The following ZNF592 variants were observed in gnomAD, a reference collection of about 807,000 sequenced individuals.
ZNF592 encodes zinc finger protein 592.
ZNF592 carries 11 observed loss-of-function variants against 80.3 expected under a neutral mutation model. The ratio of observed to expected loss-of-function variants is 0.14; its 90% CI spans 0.09 to 0.23. ZNF592 has a LOEUF of 0.23. Among genes scored for constraint, ZNF592 ranks in the 10% least tolerant of loss-of-function variants. ZNF592 has a pLI of 1.00. For synonymous variants in ZNF592, 646 were observed against 640.3 expected (o/e 1.01, Z -0.13); for missense variants, 1,420 against 1,633.9 (o/e 0.87, Z 2.26).
chr15:84,782,476 C>A (rs117305302), intron 3 of ZNF592, among the ~76,000 whole-genome samples, 181 bp from the exon 4 acceptor site: 1,981 of 152,252 alleles, frequency 0.013, 19 homozygotes, highest in African/African-American at 0.025. Context: ...TCTCTGCCCC[C>A]ACCTCTCCAG....
chr15:84,796,574 C>T (rs1962927413), intron 5 of ZNF592, among the ~76,000 whole-genome samples: 1 of 151,750 alleles, frequency 6.6e-6, no homozygotes, highest in South Asian at 2.1e-4. Context: ...GGAGGAAGGT[C>T]ATATTATTCT....
chr15:84,777,586 A>G (rs1962294110), intron 2 of ZNF592, among the ~76,000 whole-genome samples: 4 of 152,120 alleles, frequency 2.6e-5, no homozygotes, highest in Admixed American at 2.6e-4. Context: ...ATAACCACCA[A>G]AGTGCTAAAA....
intron 2 of ZNF592, among the ~76,000 whole-genome samples, chr15:84,768,234 T>TC (rs1899593287): frequency 7.6e-6 from 1 of 131,354 alleles, no homozygotes; most frequent in African/African-American, 2.7e-5. Flanking sequence ...TTCTTTCTTT[T>TC]TTTTTTTTTT....
chr15:84,766,016 T>A (rs911009958), intron 2 of ZNF592, among the ~76,000 whole-genome samples: 26 of 150,254 alleles, frequency 1.7e-4, no homozygotes, highest in African/African-American at 6.4e-4. Flanking sequence ...TTTTTTTTTT[T>A]ATGTTTTGTT....
chr15:84,756,310 C>T (rs574134820), intron 1 of ZNF592, among the ~76,000 whole-genome samples: 4 of 152,378 alleles, frequency 2.6e-5, no homozygotes, highest in African/African-American at 9.6e-5. Context: ...GCAGAGTGGA[C>T]TCTGGCTCCG....
intron 1 of ZNF592, among the ~76,000 whole-genome samples, chr15:84,749,596 A>C (rs1898952221): frequency 6.6e-6 from 1 of 152,172 alleles, no homozygotes; most frequent in Non-Finnish European, 1.5e-5. Context: ...GAAGAATGGG[A>C]CTTGGGGAGT....
At chr15:84,763,499 G>A (rs1025554852) in intron 1 of ZNF592, among the ~76,000 whole-genome samples, 1 of 152,062 alleles carries the variant, frequency 6.6e-6, no homozygotes, top group Admixed American at 6.6e-5. Context: ...GACACCCCTT[G>A]GCCCCTGATC....
Position 84,789,117 on chromosome 15 carries a change from G to A in ZNF592, c.2221-1588G>A, listed in dbSNP as rs188526900. 3.0e-3 allele frequency among the ~76,000 whole-genome samples: 452 copies of A among 151,862 alleles called. 1 individual carries two copies. Among genetic ancestry groups the A allele is most frequent in the Non-Finnish European group, 4.8e-3 (323 of 67,920 alleles). On this transcript the variant is annotated intron_variant, in intron 4 of 10. Coordinates refer to ENST00000560079, the MANE Select transcript of ZNF592 (RefSeq NM_014630.3). ...CAAAAATTAGCCAGGTGGTAGTGGT[G>A]CGTGCCTATAATCCCAGCTACTCAG... is the stretch of plus-strand genomic sequence containing the variant.
chr15:84,791,865 GAGGAATGTC>G (rs1053791336), intron 5 of ZNF592, among the ~76,000 whole-genome samples: 1 of 152,236 alleles, frequency 6.6e-6, no homozygotes, highest in African/African-American at 2.4e-5. Flanking sequence ...TGGTTGTATA[GAGGAATGTC>G]AGGATGAATT....
intron 5 of ZNF592, among the ~76,000 whole-genome samples, chr15:84,796,242 A>ATATATATATATATATATATATTT (rs1962904906): frequency 4.7e-5 from 1 of 21,454 alleles, no homozygotes; most frequent in Non-Finnish European, 8.0e-5. Context: ...AAAAAAAAAT[A>ATATATATATATATATATATATTT]TATATATATA....
At chr15:84,795,044 A>G (rs1962855572) in intron 5 of ZNF592, among the ~76,000 whole-genome samples, 1 of 150,966 alleles carries the variant, frequency 6.6e-6, no homozygotes, top group South Asian at 2.1e-4. Flanking sequence ...CTTTTACTTG[A>G]TAATGTAAAA....
At position 84,782,926 on chromosome 15, in the gene ZNF592, A is replaced by G. The variant is rs1175399907; in HGVS notation, c.251A>G (p.Asp84Gly). Residue 84 changes from aspartate to glycine, a missense_variant, in exon 4 of 11, where the codon GAC becomes GGC. Transcript: ENST00000560079. ...SRQESFEAEK[D>G]HITPSLLHNG... is the part of the protein sequence containing the mutation. ...CAGGAGTCATTTGAAGCGGAGAAAGACCACATTACTCCCAGTCTCCTACAC... is the reference window on the plus strand; with the variant it reads ...CAGGAGTCATTTGAAGCGGAGAAAGGCCACATTACTCCCAGTCTCCTACAC... 1 of 1,614,134 alleles carries G rather than the reference A, an allele frequency of 6.2e-7. No homozygotes were observed. The highest frequency in any genetic ancestry group is 1.7e-5 in the Admixed American group (1 of 60,022).
chr15:84,786,735 T>A (rs529384637), intron 4 of ZNF592, among the ~76,000 whole-genome samples: 94 of 152,112 alleles, frequency 6.2e-4, no homozygotes, highest in Admixed American at 1.2e-3. Context: ...CATGGTTGAG[T>A]TGGGCCAGGT....
chr15:84,760,817 G>C (rs11854313), intron 1 of ZNF592, among the ~76,000 whole-genome samples: 76,020 of 151,958 alleles, frequency 0.5, 19,404 homozygotes, highest in East Asian at 0.79. Context: ...TACTGGTGCT[G>C]TTCAGCAGGG....
Position 84,783,681 on chromosome 15 carries a change from C to G in ZNF592, c.1006C>G (p.Leu336Val). The G allele has an allele frequency of 6.2e-7, 1 of 1,614,232 alleles. No individual in the cohort carries two copies. The highest frequency in any genetic ancestry group is 8.5e-7 in the Non-Finnish European group (1 of 1,180,042). ...PKSPKSPRSP[L>V]EATRKSIKPS... ...GTCACCAAAGAGTCCCCGGAGCCCT[C>G]TGGAGGCCACTAGAAAAAGTATCAA... The change falls in exon 4 of 11, where the codon CTG becomes GTG. Residue 336 changes from leucine (L) to valine (V), a missense_variant. By Grantham distance (32) the Leu-to-Val change is conservative. Transcript: ENST00000560079. The surrounding 1 kb of genome is among the most constrained non-coding windows in gnomAD (Gnocchi z 5.0).
At chr15:84,781,530 G>C (rs1037878413) in intron 3 of ZNF592, among the ~76,000 whole-genome samples, 2 of 152,124 alleles carry the variant, frequency 1.3e-5, no homozygotes, top group Non-Finnish European at 2.9e-5. Flanking sequence ...ATTTCTGGAA[G>C]TGGGGTTCCT....
chr15:84,783,552 G>T lies in ZNF592; in HGVS notation c.877G>T (p.Ala293Ser). 6.2e-7 allele frequency: 1 copy of T among 1,614,162 alleles called. No homozygotes were observed. Among genetic ancestry groups the T allele is most frequent in the South Asian group, 1.1e-5 (1 of 91,084 alleles). ...SCVAALVALQ[A>S]KRVASVTKED... The stretch of plus-strand genomic sequence containing the variant: ...TGTGGCAGCCTTGGTGGCCTTGCAG[G>T]CCAAAAGAGTGGCTAGTGTCACTAA... The change falls in exon 4 of 11, where the codon GCC (alanine) becomes TCC (serine). Residue 293 changes from alanine (A) to serine (S), a missense_variant. Ala to Ser is a moderately conservative substitution (Grantham distance 99). Transcript: ENST00000560079. The surrounding 1 kb of genome is among the most constrained non-coding windows in gnomAD (Gnocchi z 5.0).
At chr15:84,748,693 C>G (rs892631336) in intron 1 of ZNF592, 29 bp downstream of exon 1, 1 of 147,570 alleles carries the variant, frequency 6.8e-6, no homozygotes, top group African/African-American at 2.5e-5. Flanking sequence ...CCGGGCCGAG[C>G]GGGGCCTGCG....
chr15:84,802,034 G>A lies in ZNF592; in HGVS notation c.3445G>A (p.Asp1149Asn). ...GAGCCACATACCTCAGCACCAGGTGGACAGCTCCACAGCCCAATGTCTCCT... is the reference window on the plus strand; with the variant it reads ...GAGCCACATACCTCAGCACCAGGTGAACAGCTCCACAGCCCAATGTCTCCT... ...FQSHIPQHQVDSSTAQCLLCG... is the reference protein window; with the variant it reads ...FQSHIPQHQVNSSTAQCLLCG... The change falls in exon 11 of 11, where the codon GAC (aspartate) becomes AAC (asparagine). Residue 1149 changes from aspartate to asparagine, a missense_variant. Asp to Asn is a conservative substitution (Grantham distance 23). This residue lies in a region of ZNF592 where 145 missense variants were observed against 211.9 expected (regional missense o/e 0.68). Coordinates refer to ENST00000560079, the MANE Select transcript of ZNF592 (RefSeq NM_014630.3). The A allele has an allele frequency of 6.2e-7, 1 of 1,613,924 alleles. No individual in the cohort carries two copies. The highest frequency in any genetic ancestry group is 2.2e-5 in the East Asian group (1 of 44,882).
Sources: allele counts gnomAD v4.1 joint callset (sites outside exome capture counted in the v4.1 genomes callset), GRCh38; gene constraint gnomAD v4.1.1; regional missense constraint gnomAD v4.1.1; non-coding constraint Gnocchi (gnomAD v3.1); transcripts MANE v1.5; gene names NCBI Gene and HGNC (gene_info 2026-07-23, HGNC 2026-07-21).